Variants in NRG1 observed in about 807,000 individuals in gnomAD.
The protein encoded by NRG1 is neuregulin 1.
NRG1 carries 18 observed loss-of-function variants against 63.8 expected under a neutral mutation model. The observed-to-expected ratio is 0.28, with a 90% CI of 0.19 to 0.42. NRG1 has a LOEUF of 0.42. NRG1 is among the 10% of genes least tolerant of loss of function. The probability of loss-of-function intolerance (pLI) is 1.00; values close to 1 mark genes in which losing one functional copy is unlikely to be tolerated. For synonymous variants in NRG1, 302 were observed against 301.3 expected, an observed-to-expected ratio of 1.00 and a Z score of -0.02; for missense variants, 762 against 814.7, an observed-to-expected ratio of 0.94 and a Z score of 0.79.
At chr8:32,280,221 T>C (rs781221007) in intron 1 of NRG1, among the ~76,000 whole-genome samples, 3 of 152,238 alleles carry the variant, frequency 2.0e-5, no homozygotes, top group Non-Finnish European at 4.4e-5. Flanking sequence ...CCCCACCAAG[T>C]GGTTATCTAA....
At chr8:32,739,374 A>G (rs2129035191) in intron 6 of NRG1, among the ~76,000 whole-genome samples, 1 of 152,300 alleles carries the variant, frequency 6.6e-6, no homozygotes, top group East Asian at 1.9e-4. Context: ...AGGGTCTTAT[A>G]ACACTAAGAA....
rs557797269 is a variant in NRG1 at position 32,242,406 on chromosome 8, G to A, written c.38-353422G>A. Among the ~76,000 whole-genome samples the A allele has an allele frequency of 5.9e-5, 9 of 152,196 alleles. 1 individual carries two copies. The South Asian group carries it at 1.0e-3, about 18-fold the overall frequency. On this transcript the variant is annotated intron_variant, in intron 1 of 10. Coordinates refer to the NRG1 transcript ENST00000519301. ...GGAGAATCACTTGAACCCGGGAGGC[G>A]GAGGTTGCAGTGAGCCGAGATCGTG...
chr8:31,866,780 G>T (rs1425674747), intron 1 of NRG1, among the ~76,000 whole-genome samples: 2 of 152,122 alleles, frequency 1.3e-5, no homozygotes, highest in Non-Finnish European at 2.9e-5. Flanking sequence ...TAGGGAAGTA[G>T]CTTTTAAAAT....
chr8:31,801,118 G>T (rs1247409364), intron 1 of NRG1, among the ~76,000 whole-genome samples: 1 of 151,888 alleles, frequency 6.6e-6, no homozygotes, highest in Non-Finnish European at 1.5e-5. Flanking sequence ...AAGTGCTGGG[G>T]TTACAAGTGT....
chr8:32,471,037 A>G (rs567855578), intron 1 of NRG1, among the ~76,000 whole-genome samples: 75 of 152,310 alleles, frequency 4.9e-4, no homozygotes, highest in South Asian at 2.3e-3. Flanking sequence ...CCTAGGCGCA[A>G]GCAATCCTCC....
chr8:32,070,687 C>T (rs1825628209), intron 1 of NRG1, among the ~76,000 whole-genome samples: 1 of 152,224 alleles, frequency 6.6e-6, no homozygotes, highest in Non-Finnish European at 1.5e-5. Context: ...AGTCCAAGCT[C>T]TCTTACTCCC....
chr8:32,159,291 T>G (rs1474664096), intron 1 of NRG1, among the ~76,000 whole-genome samples: 1 of 152,030 alleles, frequency 6.6e-6, no homozygotes, highest in East Asian at 1.9e-4. Context: ...TCCCAGCACT[T>G]TGGGAGGCCG....
intron 3 of NRG1, among the ~76,000 whole-genome samples, chr8:32,605,943 G>A (rs2129539586): frequency 6.6e-6 from 1 of 151,918 alleles, no homozygotes; most frequent in South Asian, 2.1e-4. Context: ...AGGTTGGGTT[G>A]CTAAAATATA....
intron 1 of NRG1, among the ~76,000 whole-genome samples, chr8:32,360,477 A>T (rs1045501893): frequency 6.6e-6 from 1 of 152,216 alleles, no homozygotes; most frequent in African/African-American, 2.4e-5. Context: ...GTAGGGTGAA[A>T]AGTATTATAA....
intron 1 of NRG1, among the ~76,000 whole-genome samples, chr8:31,782,996 T>C (rs1819835986): frequency 6.6e-6 from 1 of 152,176 alleles, no homozygotes; most frequent in African/African-American, 2.4e-5. Context: ...AAATTTCTGG[T>C]TTATGCAATA....
chr8:32,336,865 C>T (rs184234755), intron 1 of NRG1, among the ~76,000 whole-genome samples: 5 of 152,302 alleles, frequency 3.3e-5, no homozygotes, highest in Admixed American at 2.6e-4. Context: ...CCGCCTCAGC[C>T]TCCCAAAGTG....
At chr8:31,772,050 A>C (rs752465851) in intron 1 of NRG1, among the ~76,000 whole-genome samples, 1 of 152,232 alleles carries the variant, frequency 6.6e-6, no homozygotes, top group Non-Finnish European at 1.5e-5. Flanking sequence ...CATGGTTTCC[A>C]GATCATTCAT....
At chr8:31,958,326 A>G (rs1025315567) in intron 1 of NRG1, among the ~76,000 whole-genome samples, 3 of 152,238 alleles carry the variant, frequency 2.0e-5, no homozygotes, top group African/African-American at 7.2e-5. Context: ...CATGACAATA[A>G]TCAATTTGGG....
chr8:32,342,853 C>T (rs763041634), intron 1 of NRG1, among the ~76,000 whole-genome samples: 1 of 152,062 alleles, frequency 6.6e-6, no homozygotes, highest in Non-Finnish European at 1.5e-5. Context: ...GAGGTGTCAC[C>T]GTGGTCCACT....
intron 2 of NRG1, among the ~76,000 whole-genome samples, chr8:32,602,498 G>T (rs1844556875): frequency 6.6e-6 from 1 of 152,102 alleles, no homozygotes; most frequent in African/African-American, 2.4e-5. Context: ...TCCTAGATTT[G>T]TATAAATAGG....
chr8:31,836,989 G>A (rs1825742966), intron 1 of NRG1, among the ~76,000 whole-genome samples: 1 of 152,030 alleles, frequency 6.6e-6, no homozygotes, highest in Admixed American at 6.6e-5. Context: ...AAATCTCAGT[G>A]TAGTTTAAAT....
At chr8:31,896,261 A>G (rs887297599) in intron 1 of NRG1, among the ~76,000 whole-genome samples, 3 of 152,170 alleles carry the variant, frequency 2.0e-5, no homozygotes, top group African/African-American at 7.2e-5. Flanking sequence ...TTCATGTTTT[A>G]TTATGTATGT....
chr8:31,896,741 C>T (rs891398459), intron 1 of NRG1, among the ~76,000 whole-genome samples: 4 of 152,192 alleles, frequency 2.6e-5, no homozygotes, highest in African/African-American at 9.7e-5. Flanking sequence ...TTCTACTTAT[C>T]CTTCAAGACC....
intron 1 of NRG1, among the ~76,000 whole-genome samples, chr8:31,866,455 GC>G (rs1828970654): frequency 6.6e-6 from 1 of 152,020 alleles, no homozygotes. Flanking sequence ...CAGCTTGGGG[GC>G]AAAGAAGAGG....
Sources: allele counts gnomAD v4.1 joint callset (sites outside exome capture counted in the v4.1 genomes callset), GRCh38; gene constraint gnomAD v4.1.1; transcripts MANE v1.5; gene names NCBI Gene and HGNC (gene_info 2026-07-23, HGNC 2026-07-21).